The following RGS3 variants were observed in gnomAD, a reference collection of about 807,000 sequenced individuals.
RGS3 encodes the protein regulator of G-protein signalling 3.
Under a neutral mutation model 132.6 loss-of-function variants are expected in RGS3, and 80 were observed. The observed-to-expected ratio is 0.60, with a 90% CI of 0.50 to 0.73. The LOEUF is 0.73. RGS3 is among the 30% of genes least tolerant of loss of function. The pLI, the probability that RGS3 is intolerant of heterozygous loss-of-function variation, is 0.00. For synonymous variants in RGS3, 598 were observed against 620.6 expected (o/e 0.96, Z 0.54); for missense variants, 1,382 against 1,530.8 (o/e 0.90, Z 1.62).
intron 19 of RGS3, chr9:113,541,251 A>C: frequency 6.6e-7 from 1 of 1,521,250 alleles, no homozygotes; most frequent in Non-Finnish European, 9.0e-7. Context: ...GAACAGAGGC[A>C]GGTCCTGCAG....
At chr9:113,548,910 G>A (rs1417288058) in intron 19 of RGS3, among the ~76,000 whole-genome samples, 3 of 152,202 alleles carry the variant, frequency 2.0e-5, no homozygotes, top group Non-Finnish European at 4.4e-5. Flanking sequence ...CGCCTGGCAG[G>A]CGAGGAGTCC....
intron 16 of RGS3, 66 bp from the exon 15 acceptor site, chr9:113,522,864 G>A: frequency 9.9e-7 from 1 of 1,008,354 alleles, no homozygotes. Flanking sequence ...TTCTCGGGGA[G>A]GTTGTGGCTC....
chr9:113,529,351 C>T (rs571055589), intron 18 of RGS3, 87 bp downstream of exon 16: 3 of 1,145,402 alleles, frequency 2.6e-6, no homozygotes, highest in African/African-American at 3.0e-5. Flanking sequence ...GACCAGTGTT[C>T]TGATGCCAGC....
chr9:113,524,714 G>T (rs1832120670), intron 17 of RGS3, among the ~76,000 whole-genome samples: 1 of 152,220 alleles, frequency 6.6e-6, no homozygotes, highest in African/African-American at 2.4e-5. Flanking sequence ...CCAGCGCTTT[G>T]TGTCCCTCCC....
chr9:113,479,450 A>G lies in RGS3; in HGVS notation c.416-41A>G, dbSNP rs747698004. On this transcript the variant is annotated intron_variant, in intron 3 of 24. Transcript: ENST00000350696. ...TCTAGTTTTTTCCACCACACCCACCAGGGAGCTGAGGCAAGGTTGTTTCTG... is the reference window on the plus strand; with the variant it reads ...TCTAGTTTTTTCCACCACACCCACCGGGGAGCTGAGGCAAGGTTGTTTCTG... The G allele has an allele frequency of 3.7e-6, 6 of 1,605,444 alleles. No homozygotes were observed. In the Admixed American group the frequency reaches 8.3e-5, roughly 22 times the overall value.
At chr9:113,502,677 G>A (rs7856713) in intron 10 of RGS3, among the ~76,000 whole-genome samples, 2,065 of 152,346 alleles carry the variant, frequency 0.014, 41 homozygotes, top group African/African-American at 0.047. Flanking sequence ...CTATGGGCTA[G>A]AAGACTGGGC....
chr9:113,497,052 G>A (rs533473667), intron 8 of RGS3, among the ~76,000 whole-genome samples: 1 of 152,202 alleles, frequency 6.6e-6, no homozygotes, highest in African/African-American at 2.4e-5. Context: ...ACAACTTAGT[G>A]GGGGAGACAG....
At chr9:113,544,079 A>C (rs1833007162) in intron 19 of RGS3, among the ~76,000 whole-genome samples, 1 of 152,210 alleles carries the variant, frequency 6.6e-6, no homozygotes, top group Non-Finnish European at 1.5e-5. Flanking sequence ...TAATCACGGG[A>C]AGCATTGCCG....
intron 11 of RGS3, 57 bp downstream of exon 9, chr9:113,505,580 G>A: frequency 4.3e-6 from 6 of 1,400,474 alleles, no homozygotes; most frequent in South Asian, 1.2e-5. Flanking sequence ...TGTGGGCTTT[G>A]CAAACATAGT....
At chr9:113,499,010 T>C (rs1830780539) in intron 10 of RGS3, among the ~76,000 whole-genome samples, 1 of 151,290 alleles carries the variant, frequency 6.6e-6, no homozygotes, top group Non-Finnish European at 1.5e-5. Flanking sequence ...GCAGATCACT[T>C]GAGGTCAAGA....
intron 19 of RGS3, among the ~76,000 whole-genome samples, chr9:113,548,744 C>G (rs1833215759): frequency 6.6e-6 from 1 of 152,194 alleles, no homozygotes; most frequent in South Asian, 2.1e-4. Context: ...TGGTGTCAAG[C>G]AAGCCCAGAG....
At chr9:113,518,474 AT>A (rs1831785393) in intron 16 of RGS3, among the ~76,000 whole-genome samples, 1 of 152,156 alleles carries the variant, frequency 6.6e-6, no homozygotes, top group Non-Finnish European at 1.5e-5. Flanking sequence ...GTATGTGTGT[AT>A]TTGAGGCAGT....
chr9:113,492,260 T>C (rs574224816), intron 7 of RGS3, among the ~76,000 whole-genome samples: 36 of 152,330 alleles, frequency 2.4e-4, no homozygotes, highest in African/African-American at 8.4e-4. Context: ...TGCATGAAGT[T>C]ACTTCAAAGC....
At position 113,579,083 on chromosome 9, in the gene RGS3, C is replaced by A. The variant is rs1364768699; in HGVS notation, c.2038-4367C>A. 1.3e-5 allele frequency among the ~76,000 whole-genome samples: 2 copies of A among 152,162 alleles called. No homozygotes were observed. The highest frequency in any genetic ancestry group is 2.9e-5 in the Non-Finnish European group (2 of 68,036). On this transcript the variant is annotated intron_variant, in intron 19 of 24. Transcript: ENST00000350696. This position sits in a 1 kb window ranked among gnomAD's most constrained non-coding sequence, Gnocchi z 4.3. ...GAGGCAAACCCCAGTTTACACCCCCCCAGTGCAGGAAGTGGTTTTCGAGGG... is the reference window on the plus strand; with the variant it reads ...GAGGCAAACCCCAGTTTACACCCCCACAGTGCAGGAAGTGGTTTTCGAGGG...
intron 19 of RGS3, among the ~76,000 whole-genome samples, chr9:113,539,029 T>C (rs189887369): frequency 2.6e-5 from 4 of 152,236 alleles, no homozygotes; most frequent in African/African-American, 9.6e-5. Flanking sequence ...TAGACACTTA[T>C]GGAATGCTCC....
intron 16 of RGS3, among the ~76,000 whole-genome samples, chr9:113,519,838 C>T (rs1017685337): frequency 5.9e-5 from 9 of 152,138 alleles, no homozygotes; most frequent in East Asian, 1.9e-4. Flanking sequence ...AGTCCCGCAC[C>T]GTGAACTACC....
At chr9:113,595,851 G>GA (rs2119070591) in intron 24 of RGS3, 86 bp downstream of exon 22, 1 of 1,452,010 alleles carries the variant, frequency 6.9e-7, no homozygotes, top group South Asian at 1.2e-5. Flanking sequence ...AGCAGCACAG[G>GA]AAGGGGAGAG....
At chr9:113,504,400 C>T (rs187742353) in intron 10 of RGS3, among the ~76,000 whole-genome samples, 118 of 152,266 alleles carry the variant, frequency 7.7e-4, no homozygotes, top group African/African-American at 2.8e-3. Context: ...CTTTAGCAGC[C>T]GGAATGGGCT....
At chr9:113,510,402 A>G (rs1831354162) in intron 14 of RGS3, among the ~76,000 whole-genome samples, 1 of 152,212 alleles carries the variant, frequency 6.6e-6, no homozygotes, top group South Asian at 2.1e-4. Flanking sequence ...GGCCTGGCTT[A>G]TTTCTGTAGG....
Sources: allele counts gnomAD v4.1 joint callset (sites outside exome capture counted in the v4.1 genomes callset), GRCh38; gene constraint gnomAD v4.1.1; non-coding constraint Gnocchi (gnomAD v3.1); transcripts MANE v1.5; gene names NCBI Gene and HGNC (gene_info 2026-07-23, HGNC 2026-07-21).